The following CCDC157 variants were observed in gnomAD, a reference collection of about 807,000 sequenced individuals.
CCDC157 encodes the protein coiled-coil domain-containing protein 157.
In CCDC157, 60 loss-of-function variants were observed where a neutral mutation model predicts 70.9. That is an observed-to-expected ratio of 0.85 (90% CI 0.69 to 1.05). The LOEUF is 1.05. CCDC157 is among the 50% of genes least tolerant of loss of function. CCDC157 has a pLI of 0.00. For missense variants in CCDC157, 943 were observed against 984.2 expected (o/e 0.96, Z 0.56); for synonymous variants, 373 against 422.4 (o/e 0.88, Z 1.43).
At chr22:30,371,822 C>A in intron 6 of CCDC157, 95 bp downstream of exon 6, 2 of 1,180,110 alleles carry the variant, frequency 1.7e-6, no homozygotes, top group South Asian at 1.3e-5. Context: ...GCATCCAGGG[C>A]AAAGTTGAAG....
chr22:30,366,221 C>A lies in CCDC157; in HGVS notation c.221C>A (p.Ala74Asp), dbSNP rs756772183. 40 of 1,613,552 alleles carry A rather than the reference C, an allele frequency of 2.5e-5. No individual in the cohort carries two copies. The Admixed American group carries it at 6.5e-4, about 26-fold the overall frequency. The change falls in exon 3 of 12, where the codon GCC (alanine) becomes GAC (aspartate). Residue 74 changes from alanine to aspartate, a missense_variant. Coordinates refer to ENST00000338306, the MANE Select transcript of CCDC157 (RefSeq NM_001017437.5). ...CCCGAGTTCACGCAGCTGTCCCATG[C>A]CGTGCTGCTGGAGCTGGTCATCGAC... ...GDPEFTQLSH[A>D]VLLELVIDRL... is the part of the protein sequence containing the mutation.
intron 10 of CCDC157, 120 bp downstream of exon 10, chr22:30,375,783 G>A (rs3804077): frequency 0.025 from 20,955 of 854,638 alleles, 340 homozygotes; most frequent in East Asian, 0.06. Context: ...GCCTTAGGCT[G>A]TGCTTTTGTG....
At chr22:30,363,548 A>G (rs999760551) in intron 2 of CCDC157, among the ~76,000 whole-genome samples, 1 of 152,036 alleles carries the variant, frequency 6.6e-6, no homozygotes, top group Admixed American at 6.6e-5. Flanking sequence ...TGAGGCCAGG[A>G]AGGGGCAGGG....
chr22:30,374,446 C>T (rs1208377153), intron 9 of CCDC157: 3 of 485,274 alleles, frequency 6.2e-6, no homozygotes, highest in East Asian at 6.0e-5. Flanking sequence ...TGGAATGGGT[C>T]CCCAAACCAC....
Position 30,376,876 on chromosome 22 carries a change from C to G in CCDC157, c.*131C>G. On this transcript the variant is annotated 3_prime_UTR_variant, in exon 12 of 12. Transcript: ENST00000338306. ...GAGCCAAGGAAAGAACCCTTCCTTC[C>G]CTGTCCTGGGCAGGGGCCACTGAGT... The G allele has an allele frequency of 1.1e-6, 1 of 950,754 alleles. No individual in the cohort carries two copies. The highest frequency in any genetic ancestry group is 1.6e-6 in the Non-Finnish European group (1 of 645,014). 58.9% of individuals were successfully genotyped at this position (950,754 alleles called of 1,614,324 possible). A position where few individuals can be genotyped will look rare whatever the true frequency, so the allele number is the denominator to read the frequency against.
chr22:30,356,949 T>G, upstream of CCDC157: 13 of 568,382 alleles, frequency 2.3e-5, no homozygotes, highest in African/African-American at 3.9e-5. Flanking sequence ...TCCGGGACCG[T>G]CCCCTCGCCG....
chr22:30,374,153 G>A (rs561163398), intron 9 of CCDC157, 62 bp downstream of exon 9: 60 of 1,531,364 alleles, frequency 3.9e-5, no homozygotes, highest in South Asian at 3.9e-4. Context: ...CTGAGGGCTC[G>A]TGTGGGCAGG....
intron 5 of CCDC157, chr22:30,371,387 G>C (rs1381960455): frequency 3.7e-6 from 2 of 539,684 alleles, no homozygotes; most frequent in African/African-American, 3.8e-5. Flanking sequence ...TGAGGGATTT[G>C]CCCTTTCTGA....
chr22:30,356,863 G>A (rs1931901380), upstream of CCDC157: 34 of 1,226,916 alleles, frequency 2.8e-5, no homozygotes, highest in South Asian at 2.9e-4. Flanking sequence ...CAGCCTCCCC[G>A]CTCGGTCAGT....
Position 30,370,560 on chromosome 22 carries a change from G to T in CCDC157, c.655G>T (p.Val219Leu), listed in dbSNP as rs1437392546. ...CTCCCAGACCATTGAGACGGCCCTG[G>T]TGCCCTGTGACGCATGCGCCAGCGT... ...VHSQTIETAL[V>L]PCDACASVQG... Residue 219 changes from valine (V) to leucine (L), a missense_variant, in exon 5 of 12, where the codon GTG (valine) becomes TTG (leucine). Val to Leu is a conservative substitution (Grantham distance 32). Coordinates refer to ENST00000338306, the MANE Select transcript of CCDC157 (RefSeq NM_001017437.5). The T allele has an allele frequency of 4.3e-6, 7 of 1,614,080 alleles. No individual in the cohort carries two copies. Among genetic ancestry groups the T allele is most frequent in the Non-Finnish European group, 5.9e-6 (7 of 1,180,048 alleles).
At chr22:30,358,570 C>T (rs753149786) in intron 1 of CCDC157, among the ~76,000 whole-genome samples, 7 of 152,206 alleles carry the variant, frequency 4.6e-5, no homozygotes, top group Non-Finnish European at 8.8e-5. Flanking sequence ...CTTTGAATCT[C>T]ACCAGGCACC....
At chr22:30,372,345 G>T (rs1933007441) in intron 7 of CCDC157, 59 bp downstream of exon 7, 18 of 1,453,396 alleles carry the variant, frequency 1.2e-5, no homozygotes, top group Non-Finnish European at 1.6e-5. Context: ...GGGAAAGAGG[G>T]CTCCACTGTC....
At chr22:30,362,992 G>T (rs995629739) in intron 2 of CCDC157, among the ~76,000 whole-genome samples, 1 of 152,180 alleles carries the variant, frequency 6.6e-6, no homozygotes, top group African/African-American at 2.4e-5. Context: ...TCAGGGAGGG[G>T]CTGGTGCAAG....
intron 7 of CCDC157, chr22:30,373,008 C>T (rs777799837): frequency 1.3e-5 from 2 of 153,830 alleles, no homozygotes; most frequent in Non-Finnish European, 2.9e-5. Flanking sequence ...CTTCAGGCGC[C>T]GCAGCCTCTG....
intron 10 of CCDC157, 134 bp downstream of exon 10, chr22:30,375,797 C>A: frequency 4.0e-6 from 3 of 751,644 alleles, no homozygotes; most frequent in Non-Finnish European, 6.3e-6. Flanking sequence ...TTTTGTGAAA[C>A]ATTTTTCACA....
At position 30,376,418 on chromosome 22, in the gene CCDC157, C is replaced by T; in HGVS notation, c.1947-15C>T. On this transcript the variant is annotated splice_polypyrimidine_tract_variant and intron_variant, in intron 11 of 11. Coordinates refer to ENST00000338306, the MANE Select transcript of CCDC157 (RefSeq NM_001017437.5). ...CCTGCATTCACAGGGGATCTTGGATCTGGTTTTCCTTCAGGCCTCTGGGCA... is the reference window on the plus strand; with the variant it reads ...CCTGCATTCACAGGGGATCTTGGATTTGGTTTTCCTTCAGGCCTCTGGGCA... 1 of 1,613,838 alleles carries T rather than the reference C, an allele frequency of 6.2e-7. No individual in the cohort carries two copies. The highest frequency in any genetic ancestry group is 8.5e-7 in the Non-Finnish European group (1 of 1,179,852).
chr22:30,369,653 C>T (rs1932849670), intron 4 of CCDC157, 50 bp downstream of exon 4: 4 of 1,385,244 alleles, frequency 2.9e-6, no homozygotes, highest in Non-Finnish European at 2.8e-6. Flanking sequence ...CTCTATCTCC[C>T]CACTGTGGTG....
chr22:30,375,265 T>C (rs1933267187), intron 9 of CCDC157: 2 of 526,434 alleles, frequency 3.8e-6, no homozygotes, highest in African/African-American at 3.9e-5. Flanking sequence ...CCTTGCTAAG[T>C]CTTTTGAGAG....
intron 10 of CCDC157, 74 bp downstream of exon 10, chr22:30,375,737 C>A: frequency 7.3e-7 from 1 of 1,378,118 alleles, no homozygotes; most frequent in Non-Finnish European, 9.8e-7. Flanking sequence ...AGACTCTGCC[C>A]CGGGAACTTG....
Sources: allele counts gnomAD v4.1 joint callset (sites outside exome capture counted in the v4.1 genomes callset), GRCh38; gene constraint gnomAD v4.1.1; transcripts MANE v1.5; gene names NCBI Gene and HGNC (gene_info 2026-07-23, HGNC 2026-07-21).